ATE1: variants seen among roughly 807,000 people sequenced by gnomAD.
ATE1 encodes the protein arginyltransferase 1, also known as arginyl-tRNA--protein transferase 1.
A neutral mutation model predicts 70.5 loss-of-function variants in ATE1; 36 were observed. The observed-to-expected ratio is 0.51, with a 90% confidence interval of 0.39 to 0.67. ATE1 has a LOEUF of 0.67. Among genes scored for constraint, ATE1 ranks in the 30% least tolerant of loss-of-function variants. The pLI, the probability that ATE1 is intolerant of heterozygous loss-of-function variation, is 0.00. For synonymous variants in ATE1, 232 were observed against 219.3 expected, an observed-to-expected ratio of 1.06 and a Z score of -0.51; for missense variants, 593 against 629.5, an observed-to-expected ratio of 0.94 and a Z score of 0.62.
At chr10:121,778,843 T>C (rs1198089420) in intron 11 of ATE1, among the ~76,000 whole-genome samples, 2 of 152,036 alleles carry the variant, frequency 1.3e-5, no homozygotes, top group African/African-American at 4.8e-5. Context: ...CCTCAAGTGA[T>C]CCGCCTGCCT....
intron 8 of ATE1, among the ~76,000 whole-genome samples, chr10:121,855,794 G>A (rs1949225718): frequency 6.6e-6 from 1 of 152,086 alleles, no homozygotes; most frequent in South Asian, 2.1e-4. Context: ...CCAAGTATAG[G>A]CCAGGTGTGG....
At chr10:121,786,170 T>C (rs1946195975) in intron 11 of ATE1, among the ~76,000 whole-genome samples, 2 of 149,232 alleles carry the variant, frequency 1.3e-5, no homozygotes, top group African/African-American at 4.9e-5. Context: ...AATCATAGGA[T>C]AGTGCTTGGG....
chr10:121,767,819 C>T (rs1945337598), intron 11 of ATE1, among the ~76,000 whole-genome samples: 1 of 152,096 alleles, frequency 6.6e-6, no homozygotes, highest in Non-Finnish European at 1.5e-5. Flanking sequence ...TTGCTATGTT[C>T]TTTGGGAAAT....
intron 8 of ATE1, among the ~76,000 whole-genome samples, chr10:121,850,849 T>TGGGAG (rs900815793): frequency 6.6e-6 from 1 of 152,074 alleles, no homozygotes; most frequent in African/African-American, 2.4e-5. Flanking sequence ...CCCAGCACTT[T>TGGGAG]GGGAGGCCAA....
chr10:121,919,334 A>G (rs1040381596), intron 3 of ATE1, among the ~76,000 whole-genome samples: 1 of 152,134 alleles, frequency 6.6e-6, no homozygotes, highest in African/African-American at 2.4e-5. Flanking sequence ...TGAAGCGGGC[A>G]GATCACCTGA....
chr10:121,788,064 G>A (rs1463005712), intron 11 of ATE1, among the ~76,000 whole-genome samples: 2 of 152,152 alleles, frequency 1.3e-5, no homozygotes, highest in Non-Finnish European at 2.9e-5. Context: ...AAATCTTTTA[G>A]TAAGATGTTC....
At chr10:121,850,335 T>TA (rs769409444) in intron 8 of ATE1, among the ~76,000 whole-genome samples, 1 of 152,154 alleles carries the variant, frequency 6.6e-6, no homozygotes, top group African/African-American at 2.4e-5. Context: ...TACTCTCCTC[T>TA]ACCACCCCAC....
intron 7 of ATE1, among the ~76,000 whole-genome samples, chr10:121,872,435 T>C (rs984697550): frequency 1.3e-5 from 2 of 152,186 alleles, no homozygotes; most frequent in African/African-American, 4.8e-5. Flanking sequence ...AAGACACACA[T>C]TGACACTCCT....
At chr10:121,779,379 T>C (rs748273087) in intron 11 of ATE1, among the ~76,000 whole-genome samples, 1 of 152,174 alleles carries the variant, frequency 6.6e-6, no homozygotes, top group Non-Finnish European at 1.5e-5. Flanking sequence ...TTAACACACC[T>C]GCTCAAATCT....
At chr10:121,814,170 T>C (rs1239655392) in intron 10 of ATE1, among the ~76,000 whole-genome samples, 1 of 152,128 alleles carries the variant, frequency 6.6e-6, no homozygotes. Flanking sequence ...CACCTCTCAA[T>C]TGACTAAATA....
intron 8 of ATE1, among the ~76,000 whole-genome samples, chr10:121,852,889 T>C (rs1326942960): frequency 2.0e-5 from 3 of 152,138 alleles, no homozygotes; most frequent in Non-Finnish European, 4.4e-5. Context: ...GGCACATAGT[T>C]TTAGATAAGT....
intron 7 of ATE1, among the ~76,000 whole-genome samples, chr10:121,870,324 T>A (rs1262854980): frequency 1.3e-5 from 2 of 152,172 alleles, no homozygotes. Context: ...TTGTTTAAAT[T>A]TTATCTCACA....
At chr10:121,827,688 A>G (rs1235027397) in intron 10 of ATE1, among the ~76,000 whole-genome samples, 2 of 152,246 alleles carry the variant, frequency 1.3e-5, no homozygotes, top group African/African-American at 2.4e-5. Context: ...TCCTTTCATC[A>G]ATGACTGTAT....
intron 11 of ATE1, among the ~76,000 whole-genome samples, chr10:121,754,169 T>C (rs1409250564): frequency 6.6e-6 from 1 of 152,236 alleles, no homozygotes; most frequent in Non-Finnish European, 1.5e-5. Flanking sequence ...TAAACTCACA[T>C]ATATTGCCTA....
intron 8 of ATE1, among the ~76,000 whole-genome samples, chr10:121,852,801 T>A (rs560761651): frequency 6.6e-6 from 1 of 152,284 alleles, no homozygotes; most frequent in East Asian, 1.9e-4. Context: ...TTTAAAATTT[T>A]GAAATAATAG....
chr10:121,925,491 T>C (rs1222532208), intron 1 of ATE1, among the ~76,000 whole-genome samples: 1 of 151,122 alleles, frequency 6.6e-6, no homozygotes, highest in East Asian at 1.9e-4. Flanking sequence ...GGAAGATGAT[T>C]ACAGGGGCTA....
At chr10:121,792,160 G>A (rs1946478593) in intron 10 of ATE1, among the ~76,000 whole-genome samples, 2 of 152,056 alleles carry the variant, frequency 1.3e-5, no homozygotes, top group African/African-American at 4.8e-5. Context: ...CCTAGGGTAG[G>A]ATGAAAAGAA....
chr10:121,906,222 C>T (rs1951183928), intron 5 of ATE1, among the ~76,000 whole-genome samples: 1 of 152,016 alleles, frequency 6.6e-6, no homozygotes, highest in African/African-American at 2.4e-5. Flanking sequence ...AGCAAGACCT[C>T]ATCTCTACAA....
At chr10:121,928,082 C>T, upstream of ATE1, 1 of 1,207,966 alleles carries the variant, frequency 8.3e-7, no homozygotes, top group Non-Finnish European at 1.0e-6. Flanking sequence ...GCCCGCAGGC[C>T]CGGCCGGCCC....
Sources: gnomAD v4.1 joint callset for allele counts (sites outside exome capture counted in the v4.1 genomes callset) on GRCh38, gnomAD v4.1.1 for gene constraint, MANE v1.5 for transcripts, NCBI Gene and HGNC (gene_info 2026-07-23, HGNC 2026-07-21) for gene names.